DCC: variants seen among roughly 807,000 people sequenced by gnomAD.
DCC encodes the protein DCC netrin 1 receptor.
In DCC, 58 loss-of-function variants were observed where a neutral mutation model predicts 172.5. The observed-to-expected ratio is 0.34, with a 90% CI of 0.27 to 0.42. The LOEUF is 0.42. Ranked by LOEUF, DCC falls within the 10% of genes least tolerant of loss-of-function variation. The probability of loss-of-function intolerance (pLI) is 1.00; values close to 1 mark genes in which losing one functional copy is unlikely to be tolerated. For missense variants in DCC, 1,740 were observed against 1,791.0 expected (o/e 0.97, Z 0.51); for synonymous variants, 709 against 644.5 (o/e 1.10, Z -1.52).
intron 1 of DCC, among the ~76,000 whole-genome samples, chr18:52,456,344 C>A (rs1369567277): frequency 1.3e-5 from 2 of 151,982 alleles, no homozygotes; most frequent in Non-Finnish European, 2.9e-5. Flanking sequence ...CAAATAAGTA[C>A]CCAGGTATAT....
intron 1 of DCC, among the ~76,000 whole-genome samples, chr18:52,422,486 T>C (rs527701928): frequency 3.0e-4 from 45 of 152,302 alleles, no homozygotes; most frequent in African/African-American, 1.1e-3. Context: ...TCCCACTTCA[T>C]CTGCAAGATC....
intron 1 of DCC, among the ~76,000 whole-genome samples, chr18:52,748,822 G>T (rs797020496): frequency 3.2e-4 from 48 of 152,360 alleles, no homozygotes; most frequent in African/African-American, 9.4e-4. Context: ...GTGTGGCTGA[G>T]TCTGGAGTTT....
chr18:52,400,786 C>T (rs1202886593), intron 1 of DCC, among the ~76,000 whole-genome samples: 1 of 152,030 alleles, frequency 6.6e-6, no homozygotes, highest in African/African-American at 2.4e-5. Context: ...AGTTCATGTC[C>T]TTTGCAGGGA....
chr18:53,299,868 C>T (rs2144768237), intron 12 of DCC, among the ~76,000 whole-genome samples: 1 of 152,224 alleles, frequency 6.6e-6, no homozygotes, highest in Non-Finnish European at 1.5e-5. Context: ...TCCCAGTTTA[C>T]CTGATTTTAC....
intron 1 of DCC, among the ~76,000 whole-genome samples, chr18:52,688,217 G>A (rs2035872766): frequency 6.6e-6 from 1 of 150,644 alleles, no homozygotes; most frequent in Non-Finnish European, 1.5e-5. Context: ...AATATTTACT[G>A]AAAAGTGTAG....
intron 1 of DCC, among the ~76,000 whole-genome samples, chr18:52,348,154 T>G (rs540391174): frequency 6.6e-6 from 1 of 152,326 alleles, no homozygotes; most frequent in East Asian, 1.9e-4. Context: ...GGATTCATAT[T>G]GCTGTATTTC....
intron 5 of DCC, among the ~76,000 whole-genome samples, chr18:52,933,206 C>G (rs769453200): frequency 1.3e-5 from 2 of 152,032 alleles, no homozygotes; most frequent in African/African-American, 4.8e-5. Flanking sequence ...AACTAGCAAC[C>G]AACTGTTGAG....
chr18:53,329,872 T>C (rs2057510762), intron 14 of DCC, among the ~76,000 whole-genome samples: 1 of 152,194 alleles, frequency 6.6e-6, no homozygotes, highest in South Asian at 2.1e-4. Flanking sequence ...AATGGACAGA[T>C]AAATGTAACA....
chr18:52,662,171 CAGA>C (rs1262415115), intron 1 of DCC, among the ~76,000 whole-genome samples: 2 of 152,286 alleles, frequency 1.3e-5, no homozygotes, highest in Non-Finnish European at 1.5e-5. Context: ...GTTTCTAATT[CAGA>C]AGGTCTAGAA....
chr18:52,814,510 C>T (rs11082948), intron 2 of DCC, among the ~76,000 whole-genome samples: 17,381 of 152,170 alleles, frequency 0.11, 1,086 homozygotes, highest in South Asian at 0.2. Flanking sequence ...GTATCACAAA[C>T]TGATGATCTA....
intron 1 of DCC, among the ~76,000 whole-genome samples, chr18:52,573,852 T>C (rs1143766): frequency 0.92 from 139,982 of 152,200 alleles, 64,730 homozygotes; most frequent in Non-Finnish European, 0.98. Context: ...TCCAGATTCC[T>C]AGTCCCAGAC....
intron 2 of DCC, among the ~76,000 whole-genome samples, chr18:52,903,719 A>G (rs961464463): frequency 6.6e-6 from 1 of 152,220 alleles, no homozygotes; most frequent in African/African-American, 2.4e-5. Flanking sequence ...GAAGAAAACT[A>G]TTAAATAAAA....
At chr18:52,687,376 C>T (rs1182853854) in intron 1 of DCC, among the ~76,000 whole-genome samples, 1 of 151,056 alleles carries the variant, frequency 6.6e-6, no homozygotes, top group Admixed American at 6.6e-5. Context: ...CCTCCACTTC[C>T]CAGGTTCAAG....
chr18:53,054,931 A>G (rs1327198160), intron 5 of DCC, among the ~76,000 whole-genome samples: 1 of 152,120 alleles, frequency 6.6e-6, no homozygotes, highest in Non-Finnish European at 1.5e-5. Flanking sequence ...ATAGCTTACT[A>G]TTTGTCCTAA....
intron 19 of DCC, among the ~76,000 whole-genome samples, chr18:53,404,757 TAAA>T (rs143351711): frequency 6.8e-6 from 1 of 148,050 alleles, no homozygotes; most frequent in Non-Finnish European, 1.5e-5. Flanking sequence ...AATAAAAAAT[TAAA>T]AAAAAAAGAA....
intron 2 of DCC, among the ~76,000 whole-genome samples, chr18:52,889,172 A>C (rs1004625997): frequency 6.6e-6 from 1 of 152,074 alleles, no homozygotes; most frequent in Non-Finnish European, 1.5e-5. Flanking sequence ...ATGGGGTAAA[A>C]ATCTTTACTT....
chr18:53,028,470 C>T (rs977730892), intron 5 of DCC, among the ~76,000 whole-genome samples: 9 of 152,038 alleles, frequency 5.9e-5, no homozygotes, highest in African/African-American at 1.4e-4. Context: ...AAATTACATA[C>T]GCATAATATT....
intron 21 of DCC, among the ~76,000 whole-genome samples, chr18:53,431,101 T>C (rs1469484858): frequency 3.3e-5 from 5 of 152,060 alleles, no homozygotes; most frequent in African/African-American, 1.2e-4. Context: ...TATATTTAAA[T>C]ATATAAAAGC....
intron 1 of DCC, among the ~76,000 whole-genome samples, chr18:52,428,312 A>G (rs955007238): frequency 1.3e-5 from 2 of 152,096 alleles, no homozygotes; most frequent in African/African-American, 4.8e-5. Flanking sequence ...CTTTTACATG[A>G]AGCCTTCAGA....
Sources: allele counts gnomAD v4.1 joint callset (sites outside exome capture counted in the v4.1 genomes callset), GRCh38; gene constraint gnomAD v4.1.1; transcripts MANE v1.5; gene names NCBI Gene and HGNC (gene_info 2026-07-23, HGNC 2026-07-21).